VWC2L: variants seen among roughly 807,000 people sequenced by gnomAD.
VWC2L encodes the protein von Willebrand factor C domain-containing protein 2-like.
A neutral mutation model predicts 21.6 loss-of-function variants in VWC2L; 10 were observed. The ratio of observed to expected loss-of-function variants is 0.46; its 90% confidence interval spans 0.29 to 0.78. The LOEUF is 0.78. Ranked by LOEUF, VWC2L falls within the 30% of genes least tolerant of loss-of-function variation. The probability of loss-of-function intolerance (pLI) is 0.10; values close to 1 mark genes in which losing one functional copy is unlikely to be tolerated. For synonymous variants in VWC2L, 96 were observed against 94.3 expected (o/e 1.02, Z -0.10); for missense variants, 209 against 277.1 (o/e 0.75, Z 1.74).
At chr2:214,544,977 C>T (rs1689683279) in intron 3 of VWC2L, among the ~76,000 whole-genome samples, 1 of 152,076 alleles carries the variant, frequency 6.6e-6, no homozygotes, top group South Asian at 2.1e-4. Flanking sequence ...TCCCAATTAT[C>T]CTGATTTTTC....
At chr2:214,490,097 A>AC (rs147610614) in intron 3 of VWC2L, among the ~76,000 whole-genome samples, 3,512 of 152,282 alleles carry the variant, frequency 0.023, 82 homozygotes, top group African/African-American at 0.056. Context: ...AAATGGATAT[A>AC]AGAGCAAATT....
intron 3 of VWC2L, among the ~76,000 whole-genome samples, chr2:214,545,415 AC>A (rs1303900787): frequency 1.3e-5 from 2 of 152,206 alleles, no homozygotes; most frequent in African/African-American, 4.8e-5. Context: ...GATTCATGAC[AC>A]AAATTTTTTT....
chr2:214,475,114 T>A (rs1435168529), intron 3 of VWC2L, among the ~76,000 whole-genome samples: 1 of 152,172 alleles, frequency 6.6e-6, no homozygotes, highest in East Asian at 1.9e-4. Flanking sequence ...GCCCTTCTTT[T>A]GAAAGCTTTA....
intron 3 of VWC2L, among the ~76,000 whole-genome samples, chr2:214,524,987 A>T (rs550229321): frequency 6.7e-6 from 1 of 149,874 alleles, no homozygotes; most frequent in Admixed American, 6.7e-5. Flanking sequence ...GCCACAGACC[A>T]ATTGAGTGGT....
At chr2:214,479,476 C>T (rs967708550) in intron 3 of VWC2L, among the ~76,000 whole-genome samples, 1 of 152,082 alleles carries the variant, frequency 6.6e-6, no homozygotes, top group Non-Finnish European at 1.5e-5. Context: ...CTAACAGGTC[C>T]ACTTTCTCAA....
At chr2:214,561,784 T>A (rs868607480) in intron 3 of VWC2L, among the ~76,000 whole-genome samples, 7 of 128,658 alleles carry the variant, frequency 5.4e-5, no homozygotes, top group Admixed American at 1.5e-4. Flanking sequence ...TCAAAAAAAA[T>A]TATATATATA....
chr2:214,477,783 G>C (rs1688545508), intron 3 of VWC2L, among the ~76,000 whole-genome samples: 4 of 152,104 alleles, frequency 2.6e-5, no homozygotes, highest in Non-Finnish European at 5.9e-5. Flanking sequence ...ATCTTTCTTT[G>C]AGTTTCACTC....
At chr2:214,506,089 T>C (rs1168666938) in intron 3 of VWC2L, among the ~76,000 whole-genome samples, 1 of 152,166 alleles carries the variant, frequency 6.6e-6, no homozygotes, top group Admixed American at 6.5e-5. Flanking sequence ...GGAAGGACAG[T>C]TTAATAAAGA....
intron 3 of VWC2L, among the ~76,000 whole-genome samples, chr2:214,560,749 G>T (rs1343997191): frequency 6.6e-6 from 1 of 152,078 alleles, no homozygotes; most frequent in Non-Finnish European, 1.5e-5. Context: ...CACCCAAAAT[G>T]GTTCCGAATG....
chr2:214,528,696 G>A (rs933919117), intron 3 of VWC2L, among the ~76,000 whole-genome samples: 1 of 151,852 alleles, frequency 6.6e-6, no homozygotes, highest in South Asian at 2.1e-4. Context: ...ACCCATGTTC[G>A]TGATGTCAAA....
At chr2:214,520,218 C>T (rs1689213700) in intron 3 of VWC2L, among the ~76,000 whole-genome samples, 1 of 151,978 alleles carries the variant, frequency 6.6e-6, no homozygotes, top group Admixed American at 6.5e-5. Flanking sequence ...CAGCCCATTC[C>T]CCATATATAC....
chr2:214,524,339 C>G (rs891818497), intron 3 of VWC2L, among the ~76,000 whole-genome samples: 2 of 152,130 alleles, frequency 1.3e-5, no homozygotes, highest in Admixed American at 1.3e-4. Context: ...TATTTGTTTT[C>G]TAAAGATGAC....
chr2:214,447,519 G>C (rs2126183201), intron 3 of VWC2L, among the ~76,000 whole-genome samples: 1 of 152,226 alleles, frequency 6.6e-6, no homozygotes, highest in East Asian at 1.9e-4. Flanking sequence ...AAGCTTTTCA[G>C]GGAGTTGGAA....
chr2:214,517,761 G>A (rs1689167964), intron 3 of VWC2L, among the ~76,000 whole-genome samples: 1 of 152,162 alleles, frequency 6.6e-6, no homozygotes, highest in African/African-American at 2.4e-5. Context: ...GCATAATATT[G>A]GTTAAAAGAT....
chr2:214,547,213 T>C (rs748940173), intron 3 of VWC2L, among the ~76,000 whole-genome samples: 3 of 89,994 alleles, frequency 3.3e-5, no homozygotes, highest in Non-Finnish European at 7.2e-5. Flanking sequence ...TTAGTTTACT[T>C]CTGCAAGGAA....
At chr2:214,551,889 C>T (rs550172008) in intron 3 of VWC2L, among the ~76,000 whole-genome samples, 1 of 152,352 alleles carries the variant, frequency 6.6e-6, no homozygotes, top group Admixed American at 6.5e-5. Context: ...CATGCACTCA[C>T]CCCCAGCAGA....
At chr2:214,523,752 G>C (rs1165892504) in intron 3 of VWC2L, among the ~76,000 whole-genome samples, 1 of 152,108 alleles carries the variant, frequency 6.6e-6, no homozygotes, top group Non-Finnish European at 1.5e-5. Flanking sequence ...AGCATCCCTT[G>C]AACCCAGGAG....
chr2:214,515,698 C>A (rs1450221986), intron 3 of VWC2L, among the ~76,000 whole-genome samples: 1 of 152,148 alleles, frequency 6.6e-6, no homozygotes, highest in Non-Finnish European at 1.5e-5. Context: ...GGATTGCAGG[C>A]ACCCACCACC....
intron 3 of VWC2L, among the ~76,000 whole-genome samples, chr2:214,569,390 A>T (rs1189249502): frequency 6.6e-6 from 1 of 152,150 alleles, no homozygotes; most frequent in Non-Finnish European, 1.5e-5. Context: ...CCAATGCTTT[A>T]TCATGGCCAA....
Sources: allele counts gnomAD v4.1 joint callset (sites outside exome capture counted in the v4.1 genomes callset), GRCh38; gene constraint gnomAD v4.1.1; transcripts MANE v1.5; gene names NCBI Gene and HGNC (gene_info 2026-07-23, HGNC 2026-07-21).